Variants in SIX3 observed in about 807,000 individuals in gnomAD.
SIX3 encodes homeobox protein SIX3.
Under a neutral mutation model 21.7 loss-of-function variants are expected in SIX3, and 2 were observed. The ratio of observed to expected loss-of-function variants is 0.09; its 90% CI spans 0.04 to 0.29. The LOEUF is 0.29. Ranked by LOEUF, SIX3 falls within the 10% of genes least tolerant of loss-of-function variation. The pLI is 1.00. For synonymous variants in SIX3, 243 were observed against 220.6 expected, an observed-to-expected ratio of 1.10 and a Z score of -0.90; for missense variants, 347 against 480.7, an observed-to-expected ratio of 0.72 and a Z score of 2.60.
rs1307642803 is a variant in SIX3, at chr2:44,944,761, T to C, written c.*1T>C. 3.8e-6 allele frequency: 6 copies of C among 1,580,416 alleles called. No individual in the cohort carries two copies. Among genetic ancestry groups the C allele is most frequent in the Non-Finnish European group, 5.1e-6 (6 of 1,170,656 alleles). On this transcript the variant is annotated 3_prime_UTR_variant, in exon 2 of 2. Transcript: ENST00000260653. ...CAGCGACTCGGAATGTGATGTATGA[T>C]AGCCAAGGCCGCCCTCCTCCCTCTC...
chr2:44,943,519 C>T (rs1294651910), intron 1 of SIX3, among the ~76,000 whole-genome samples: 1 of 152,234 alleles, frequency 6.6e-6, no homozygotes, highest in African/African-American at 2.4e-5. Flanking sequence ...ACTCGCCCTC[C>T]TGTTTCAGCC....
Position 44,942,032 on chromosome 2 carries a change from T to C in SIX3, c.-73T>C. On this transcript the variant is annotated 5_prime_UTR_variant, in exon 1 of 2. Coordinates refer to ENST00000260653, the MANE Select transcript of SIX3 (RefSeq NM_005413.4). The surrounding 1 kb of genome is among the most constrained non-coding windows in gnomAD (Gnocchi z 8.4). ...CTCCTCTCCCTCCTCCTGGTCCTCA[T>C]CGCCCCTCTCCTCCTCTTCCTCCCC... is the stretch of plus-strand genomic sequence containing the variant. 1.8e-6 allele frequency: 2 copies of C among 1,126,948 alleles called. No individual in the cohort carries two copies. Among genetic ancestry groups the C allele is most frequent in the Non-Finnish European group, 2.6e-6 (2 of 778,544 alleles). 69.8% of individuals were successfully genotyped at this position (1,126,948 alleles called of 1,614,324 possible). A position where few individuals can be genotyped will look rare whatever the true frequency, so the allele number is the denominator to read the frequency against.
rs751280287 is a variant in SIX3, at chr2:44,944,648, C to T, written c.887C>T (p.Ser296Leu). 6.4e-7 allele frequency: 1 copy of T among 1,574,374 alleles called. No homozygotes were observed. The change falls in exon 2 of 2, where the codon TCG becomes TTG. Residue 296 changes from serine (S) to leucine (L), a missense_variant. Transcript: ENST00000260653. ...PGCPTHGSAE[S>L]PSTAASPTTS... ...TGCCCCACGCACGGCTCGGCAGAGTCGCCGTCCACGGCGGCCAGCCCGACC... is the reference window on the plus strand; with the variant it reads ...TGCCCCACGCACGGCTCGGCAGAGTTGCCGTCCACGGCGGCCAGCCCGACC...
rs1279186542 is a variant in SIX3, at chr2:44,942,365, C to T, written c.261C>T (p.Phe87=). The change falls in exon 1 of 2, where the codon TTC becomes TTT. Residue 87 remains phenylalanine (F), a synonymous_variant. Coordinates refer to ENST00000260653, the MANE Select transcript of SIX3 (RefSeq NM_005413.4). The surrounding 1 kb of genome is among the most constrained non-coding windows in gnomAD (Gnocchi z 8.4). ...LSMFQLPTLN[F]SPEQVASVCE... ...TGTTCCAGCTGCCCACCCTCAACTTCTCGCCGGAGCAGGTGGCCAGCGTCT... is the reference window on the plus strand; with the variant it reads ...TGTTCCAGCTGCCCACCCTCAACTTTTCGCCGGAGCAGGTGGCCAGCGTCT... The T allele has an allele frequency of 1.3e-6, 2 of 1,597,702 alleles. No homozygotes were observed. The highest frequency in any genetic ancestry group is 1.3e-5 in the African/African-American group (1 of 74,888).
At chr2:44,943,879 C>A (rs1353242665) in intron 1 of SIX3, among the ~76,000 whole-genome samples, 4 of 152,130 alleles carry the variant, frequency 2.6e-5, no homozygotes, top group Admixed American at 1.3e-4. Flanking sequence ...GAGGTGTGTT[C>A]GAGTTTAGGC....
Position 44,942,769 on chromosome 2 carries a change from G to A in SIX3, c.665G>A (p.Arg222Gln), listed in dbSNP as rs2103642415. 1 of 1,600,402 alleles carries A rather than the reference G, an allele frequency of 6.2e-7. No homozygotes were observed. The highest frequency in any genetic ancestry group is 8.5e-7 in the Non-Finnish European group (1 of 1,179,822). ...AAGGAGCGGACTCGGAGCCTGTTGC[G>A]GGAGTGGTACCTACAGGACCCCTAC... Reference protein sequence around the residue: ...CFKERTRSLLREWYLQDPYPN... With the variant: ...CFKERTRSLLQEWYLQDPYPN... Residue 222 changes from arginine (R) to glutamine (Q), a missense_variant, in exon 1 of 2, where the codon CGG becomes CAG. Physicochemically the swap from Arg to Gln is conservative, Grantham distance 43. This residue lies in a region of SIX3 where 117 missense variants were observed against 205.9 expected (regional missense o/e 0.57). Transcript: ENST00000260653. The surrounding 1 kb of genome is among the most constrained non-coding windows in gnomAD (Gnocchi z 8.4).
chr2:44,941,929 G>T lies in SIX3; in HGVS notation c.-176G>T. Reference sequence around the variant, plus strand: ...GTGTGTGTGTGTGGATGTGTGTGGGGTGTGGGTGTCCCTTACGCCCTTCCT... The same window carrying T: ...GTGTGTGTGTGTGGATGTGTGTGGGTTGTGGGTGTCCCTTACGCCCTTCCT... On this transcript the variant is annotated 5_prime_UTR_variant, in exon 1 of 2. Coordinates refer to ENST00000260653, the MANE Select transcript of SIX3 (RefSeq NM_005413.4). 3.3e-6 allele frequency: 2 copies of T among 601,538 alleles called. No individual in the cohort carries two copies. Among genetic ancestry groups the T allele is most frequent in the South Asian group, 3.4e-5 (2 of 58,062 alleles). 37.3% of individuals were successfully genotyped at this position (601,538 alleles called of 1,614,324 possible).
chr2:44,944,886 G>C lies in SIX3; in HGVS notation c.*126G>C. On this transcript the variant is annotated 3_prime_UTR_variant, in exon 2 of 2. Transcript: ENST00000260653. Reference sequence around the variant, plus strand: ...CATCCCCAGAACAAACCGAAATCAGGATACCCAACCATACACACATACAAG... The same window carrying C: ...CATCCCCAGAACAAACCGAAATCAGCATACCCAACCATACACACATACAAG... The C allele has an allele frequency of 2.3e-6, 2 of 870,874 alleles. No individual in the cohort carries two copies. Among genetic ancestry groups the C allele is most frequent in the South Asian group, 1.4e-5 (1 of 69,558 alleles). 53.9% of individuals were successfully genotyped at this position (870,874 alleles called of 1,614,324 possible). A position where few individuals can be genotyped will look rare whatever the true frequency, so the allele number is the denominator to read the frequency against.
Position 44,945,714 on chromosome 2 carries a change from T to C in SIX3, c.*954T>C, listed in dbSNP as rs1180097213. On this transcript the variant is annotated 3_prime_UTR_variant, in exon 2 of 2. Transcript: ENST00000260653. ...TATATGTGTAGAAATTGCCTGTATA[T>C]GATATTGCTTTTTCTCCTCTCCCTT... 1 of 152,230 alleles carries C rather than the reference T, an allele frequency of 6.6e-6. No individual in the cohort carries two copies. The highest frequency in any genetic ancestry group is 1.5e-5 in the Non-Finnish European group (1 of 68,030). 9.4% of individuals were successfully genotyped at this position (152,230 alleles called of 1,614,324 possible).
chr2:44,945,349 A>G lies in SIX3; in HGVS notation c.*589A>G, dbSNP rs1666673275. The G allele has an allele frequency of 6.7e-6, 1 of 149,986 alleles. No individual in the cohort carries two copies. The highest frequency in any genetic ancestry group is 2.4e-5 in the African/African-American group (1 of 41,102). 9.3% of individuals were successfully genotyped at this position (149,986 alleles called of 1,614,324 possible). On this transcript the variant is annotated 3_prime_UTR_variant, in exon 2 of 2. Coordinates refer to ENST00000260653, the MANE Select transcript of SIX3 (RefSeq NM_005413.4). ...AAAAAAAAAAAAAGGACAGGGGGAAAAAAAAAAAAAAAGAACTCCTGGAGA... is the reference window on the plus strand; with the variant it reads ...AAAAAAAAAAAAAGGACAGGGGGAAGAAAAAAAAAAAAGAACTCCTGGAGA...
At chr2:44,944,526 G>A (rs1214651131) in intron 1 of SIX3, 42 bp from the exon 2 acceptor site, 8 of 1,536,504 alleles carry the variant, frequency 5.2e-6, no homozygotes, top group Non-Finnish European at 8.7e-7. Flanking sequence ...CCGGGTGGCG[G>A]GCCTCTGTGT....
In SIX3 at chr2:44,942,348, C is replaced by T. The variant is rs765191003; in HGVS notation, c.244C>T (p.Leu82=). 26 of 1,597,016 alleles carry T rather than the reference C, an allele frequency of 1.6e-5. No homozygotes were observed. Among genetic ancestry groups the T allele is most frequent in the Non-Finnish European group, 2.2e-5 (26 of 1,179,402 alleles). ...CCCGGAAGAGTTGTCCATGTTCCAG[C>T]TGCCCACCCTCAACTTCTCGCCGGA... The part of the protein sequence containing the change: ...APPEELSMFQ[L]PTLNFSPEQV... The change falls in exon 1 of 2, where the codon CTG becomes TTG. Residue 82 remains leucine, a synonymous_variant. Coordinates refer to ENST00000260653, the MANE Select transcript of SIX3 (RefSeq NM_005413.4). The surrounding 1 kb of genome is among the most constrained non-coding windows in gnomAD (Gnocchi z 8.4).
rs775137524 is a variant in SIX3, at chr2:44,944,738, G to T, written c.977G>T (p.Ser326Ile). The change falls in exon 2 of 2, where the codon AGC becomes ATC. Residue 326 changes from serine (S) to isoleucine (I), a missense_variant. Coordinates refer to ENST00000260653, the MANE Select transcript of SIX3 (RefSeq NM_005413.4). Reference protein sequence around the residue: ...TGTSILSVTSSDSECDV With the variant: ...TGTSILSVTSIDSECDV The stretch of plus-strand genomic sequence containing the variant: ...ACCTCCATCCTCTCGGTAACCTCCA[G>T]CGACTCGGAATGTGATGTATGATAG... 6.3e-7 allele frequency: 1 copy of T among 1,587,252 alleles called. No individual in the cohort carries two copies. Among genetic ancestry groups the T allele is most frequent in the Admixed American group, 1.7e-5 (1 of 58,658 alleles).
At chr2:44,944,493 TG>T in intron 1 of SIX3, 74 bp from the exon 2 acceptor site, 1 of 1,467,434 alleles carries the variant, frequency 6.8e-7, no homozygotes, top group Non-Finnish European at 9.2e-7. Context: ...GAAAGCGGAA[TG>T]GGGAGCGGCG....
chr2:44,944,563 C>A lies in SIX3; in HGVS notation c.807-5C>A. On this transcript the variant is annotated splice_region_variant and splice_polypyrimidine_tract_variant and intron_variant, in intron 1 of 1. Transcript: ENST00000260653. ...AGGGCGGGCGCGGATCTCTTTCTCC[C>A]GCAGGCTCCAGCACCAGGCCATTGG... 6.4e-7 allele frequency: 1 copy of A among 1,569,142 alleles called. No individual in the cohort carries two copies. Among genetic ancestry groups the A allele is most frequent in the Non-Finnish European group, 8.6e-7 (1 of 1,164,672 alleles).
intron 1 of SIX3, among the ~76,000 whole-genome samples, 171 bp from the exon 2 acceptor site, chr2:44,944,397 G>T (rs970627370): frequency 6.6e-6 from 1 of 152,204 alleles, no homozygotes; most frequent in African/African-American, 2.4e-5. Flanking sequence ...TTTGTCGCTT[G>T]CACCCAGGCC....
chr2:44,944,996 CA>C lies in SIX3; in HGVS notation c.*237del, dbSNP rs1666662605. 1.7e-6 allele frequency: 1 copy of C among 586,184 alleles called. No individual in the cohort carries two copies. The highest frequency in any genetic ancestry group is 2.0e-5 in the South Asian group (1 of 49,754). The allele number at this position is 586,184 out of a possible 1,614,324, so 36.3% of individuals were successfully genotyped here. ...CCGCAAACTATCAACAACCCCCAAC[CA>C]CCATCTACCACTACGGCCACCCCAA... On this transcript the variant is annotated 3_prime_UTR_variant, in exon 2 of 2. Coordinates refer to ENST00000260653, the MANE Select transcript of SIX3 (RefSeq NM_005413.4).
In SIX3 at chr2:44,944,848, C is replaced by G. The variant is rs1666658554; in HGVS notation, c.*88C>G. On this transcript the variant is annotated 3_prime_UTR_variant, in exon 2 of 2. Transcript: ENST00000260653. ...TAGCCCTCCTCCTCTTCCTCCTCTT[C>G]CTTCTCCTCCTCCATCCCCAGAACA... 8.3e-7 allele frequency: 1 copy of G among 1,209,364 alleles called. No homozygotes were observed. The highest frequency in any genetic ancestry group is 1.2e-6 in the Non-Finnish European group (1 of 848,614). The allele number at this position is 1,209,364 out of a possible 1,614,324, so 74.9% of individuals were successfully genotyped here. A position where few individuals can be genotyped will look rare whatever the true frequency, so the allele number is the denominator to read the frequency against.
At chr2:44,943,126 G>A (rs569084971) in intron 1 of SIX3, among the ~76,000 whole-genome samples, 1 of 152,294 alleles carries the variant, frequency 6.6e-6, no homozygotes, top group Non-Finnish European at 1.5e-5. Flanking sequence ...TTTCGTCAGG[G>A]CAGAGAGTGT....
Sources: allele counts gnomAD v4.1 joint callset (sites outside exome capture counted in the v4.1 genomes callset), GRCh38; gene constraint gnomAD v4.1.1; regional missense constraint gnomAD v4.1.1; non-coding constraint Gnocchi (gnomAD v3.1); transcripts MANE v1.5; gene names NCBI Gene and HGNC (gene_info 2026-07-23, HGNC 2026-07-21).